The following RXFP1 variants were observed in gnomAD, a reference collection of about 807,000 sequenced individuals.
RXFP1 encodes relaxin family peptide receptor 1, also known as relaxin receptor 1.
A neutral mutation model predicts 89.8 loss-of-function variants in RXFP1; 73 were observed. The observed-to-expected ratio is 0.81, with a 90% CI of 0.67 to 0.99. The LOEUF (loss-of-function observed/expected upper bound fraction) is 0.99. Among genes scored for constraint, RXFP1 ranks in the 50% least tolerant of loss-of-function variants. RXFP1 has a pLI of 0.00. For synonymous variants in RXFP1, 277 were observed against 305.5 expected (o/e 0.91, Z 0.97); for missense variants, 793 against 895.5 (o/e 0.89, Z 1.46).
At position 158,522,815 on chromosome 4, in the gene RXFP1, G is replaced by A. The variant is rs905381463; in HGVS notation, c.49+790G>A. 4.6e-5 allele frequency among the ~76,000 whole-genome samples: 7 copies of A among 152,144 alleles called. No individual in the cohort carries two copies. In the East Asian group the frequency reaches 9.7e-4, roughly 21 times the overall value. ...GGTATCTTTAATACTTTATGATTCC[G>A]GGAATGTGGGCTTTTACTAATTTAG... On this transcript the variant is annotated intron_variant, in intron 1 of 17. Coordinates refer to ENST00000307765, the MANE Select transcript of RXFP1 (RefSeq NM_021634.4).
chr4:158,626,255 C>T (rs1037834624), intron 9 of RXFP1, among the ~76,000 whole-genome samples: 2 of 152,098 alleles, frequency 1.3e-5, no homozygotes, highest in African/African-American at 2.4e-5. Context: ...TCTCTGTCTG[C>T]GCTGGCCTTT....
intron 6 of RXFP1, chr4:158,610,751 C>T: frequency 7.9e-7 from 1 of 1,263,374 alleles, no homozygotes; most frequent in South Asian, 1.2e-5. Context: ...TAAGAGAACA[C>T]CCTGAGGTTG....
chr4:158,542,104 TA>T (rs1190422223), intron 1 of RXFP1, among the ~76,000 whole-genome samples: 1,448 of 47,998 alleles, frequency 0.03, 134 homozygotes, highest in South Asian at 0.047. Context: ...TATATATATA[TA>T]TATATTTTTT....
chr4:158,552,028 T>C (rs1221051270), intron 1 of RXFP1, among the ~76,000 whole-genome samples: 1 of 152,224 alleles, frequency 6.6e-6, no homozygotes, highest in Admixed American at 6.5e-5. Context: ...TGGGGACACT[T>C]TGACAATAAG....
chr4:158,625,868 C>T (rs1196527179), intron 9 of RXFP1, among the ~76,000 whole-genome samples: 4 of 151,968 alleles, frequency 2.6e-5, no homozygotes, highest in Admixed American at 6.6e-5. Flanking sequence ...ATTTAAGGGC[C>T]GGCATTTACT....
At chr4:158,542,198 A>G (rs1451894935) in intron 1 of RXFP1, among the ~76,000 whole-genome samples, 1 of 149,278 alleles carries the variant, frequency 6.7e-6, no homozygotes, top group Non-Finnish European at 1.5e-5. Context: ...TCGGCCTCCC[A>G]AAGTGCTGGG....
At chr4:158,549,805 C>G (rs1437955702) in intron 1 of RXFP1, among the ~76,000 whole-genome samples, 1 of 152,228 alleles carries the variant, frequency 6.6e-6, no homozygotes, top group East Asian at 1.9e-4. Context: ...GATTGTTCCT[C>G]TGGAAGTTTT....
At chr4:158,610,697 G>A (rs1483983860) in intron 6 of RXFP1, 1 of 1,289,564 alleles carries the variant, frequency 7.8e-7, no homozygotes, top group African/African-American at 1.5e-5. Context: ...TGAGCATAGG[G>A]AGCAATAGTG....
At chr4:158,619,801 C>G (rs1175275167) in intron 9 of RXFP1, among the ~76,000 whole-genome samples, 1 of 151,096 alleles carries the variant, frequency 6.6e-6, no homozygotes, top group Admixed American at 6.6e-5. Flanking sequence ...GAAACTAGAG[C>G]ATTCTGCCCC....
intron 1 of RXFP1, among the ~76,000 whole-genome samples, chr4:158,534,389 A>C (rs1247860971): frequency 1.3e-5 from 2 of 151,942 alleles, no homozygotes; most frequent in Admixed American, 1.3e-4. Context: ...CTGGGATTAC[A>C]GGCATGCACC....
chr4:158,521,961 G>C lies in RXFP1; in HGVS notation c.-16G>C. ...TTTTGCTCACTTTCATTAATCAGTT[G>C]CTCAGATAGAAGGAAATGACATCTG... On this transcript the variant is annotated 5_prime_UTR_variant, in exon 1 of 18. Transcript: ENST00000307765. The C allele has an allele frequency of 6.2e-7, 1 of 1,603,602 alleles. No homozygotes were observed. Among genetic ancestry groups the C allele is most frequent in the Admixed American group, 1.7e-5 (1 of 59,106 alleles).
chr4:158,567,582 G>A (rs887063079), intron 1 of RXFP1, among the ~76,000 whole-genome samples: 9 of 151,428 alleles, frequency 5.9e-5, no homozygotes, highest in Admixed American at 1.3e-4. Context: ...TGAATGCACC[G>A]ATCGGCACTC....
rs747858480 is a variant in RXFP1, at chr4:158,647,030, A to G, written c.1585A>G (p.Ile529Val). 1.9e-6 allele frequency: 3 copies of G among 1,614,102 alleles called. No homozygotes were observed. The highest frequency in any genetic ancestry group is 4.5e-5 in the East Asian group (2 of 44,876). Reference sequence around the variant, plus strand: ...TGTGAGACCTGGAAAATGCAGAACAATTACAGTTCTGATTCTCATTTGGAT... The same window carrying G: ...TGTGAGACCTGGAAAATGCAGAACAGTTACAGTTCTGATTCTCATTTGGAT... ...RCVRPGKCRT[I>V]TVLILIWITG... is the part of the protein sequence containing the mutation. The change falls in exon 16 of 18, where the codon ATT (isoleucine) becomes GTT (valine). Residue 529 changes from isoleucine to valine, a missense_variant. Physicochemically the swap from Ile to Val is conservative, Grantham distance 29. Coordinates refer to ENST00000307765, the MANE Select transcript of RXFP1 (RefSeq NM_021634.4).
chr4:158,528,320 A>G (rs1352378995), intron 1 of RXFP1, among the ~76,000 whole-genome samples: 1 of 152,070 alleles, frequency 6.6e-6, no homozygotes, highest in African/African-American at 2.4e-5. Flanking sequence ...GGGGGGCAAC[A>G]TGGCGCGACC....
Position 158,576,755 on chromosome 4 carries a change from G to GAA in RXFP1, c.187+3929_187+3930dup, listed in dbSNP as rs369206382. Among the ~76,000 whole-genome samples, 19 of 149,848 alleles carry GAA rather than the reference G, an allele frequency of 1.3e-4. 1 individual carries two copies. The highest frequency in any genetic ancestry group is 4.7e-4 in the African/African-American group (19 of 40,854). ...TAGTAGTGGCAGTCATCTAGAAATA[G>GAA]AAAAAAAAAATTAATTCCGTTCAAA... On this transcript the variant is annotated intron_variant, in intron 2 of 17. Coordinates refer to ENST00000307765, the MANE Select transcript of RXFP1 (RefSeq NM_021634.4).
chr4:158,526,019 C>T (rs1159851809), intron 1 of RXFP1, among the ~76,000 whole-genome samples: 1 of 152,216 alleles, frequency 6.6e-6, no homozygotes, highest in Non-Finnish European at 1.5e-5. Flanking sequence ...GATATTAATC[C>T]ATAAAGAAAT....
chr4:158,548,638 C>T (rs903070841), intron 1 of RXFP1, among the ~76,000 whole-genome samples: 1 of 152,146 alleles, frequency 6.6e-6, no homozygotes, highest in East Asian at 1.9e-4. Context: ...TCTTTTAGGG[C>T]AGGCCTGGTG....
intron 3 of RXFP1, among the ~76,000 whole-genome samples, chr4:158,594,169 T>C (rs1452695992): frequency 6.6e-6 from 1 of 152,234 alleles, no homozygotes; most frequent in African/African-American, 2.4e-5. Flanking sequence ...GCATATTTGC[T>C]ATTCCTCTGA....
chr4:158,631,784 A>G (rs1768078752), intron 11 of RXFP1, among the ~76,000 whole-genome samples: 1 of 152,180 alleles, frequency 6.6e-6, no homozygotes, highest in Non-Finnish European at 1.5e-5. Context: ...CAATGGCAAG[A>G]CATTTGAATA....
Sources: allele counts gnomAD v4.1 joint callset (sites outside exome capture counted in the v4.1 genomes callset), GRCh38; gene constraint gnomAD v4.1.1; transcripts MANE v1.5; gene names NCBI Gene and HGNC (gene_info 2026-07-23, HGNC 2026-07-21).